Variants in NCOA1 observed in about 807,000 individuals in gnomAD.
The protein encoded by NCOA1 is Hin-2 protein.
NCOA1 carries 35 observed loss-of-function variants against 150.9 expected under a neutral mutation model. The observed-to-expected ratio is 0.23, with a 90% CI of 0.18 to 0.31. The LOEUF (loss-of-function observed/expected upper bound fraction) is 0.31. Ranked by LOEUF, NCOA1 falls within the 10% of genes least tolerant of loss-of-function variation. The pLI, the probability that NCOA1 is intolerant of heterozygous loss-of-function variation, is 1.00. For synonymous variants in NCOA1, 590 were observed against 630.0 expected (o/e 0.94, Z 0.95); for missense variants, 1,491 against 1,749.3 (o/e 0.85, Z 2.63).
At chr2:24,534,078 T>G (rs1226026448) in intron 1 of NCOA1, among the ~76,000 whole-genome samples, 3 of 123,582 alleles carry the variant, frequency 2.4e-5, no homozygotes, top group African/African-American at 7.8e-5. Context: ...GTCCTGGACT[T>G]TTTTTTGGTT....
chr2:24,599,496 A>G (rs1283295971), intron 3 of NCOA1, among the ~76,000 whole-genome samples: 3 of 152,312 alleles, frequency 2.0e-5, no homozygotes, highest in African/African-American at 4.8e-5. Flanking sequence ...AGGTATTTAC[A>G]TGTATTTTCT....
intron 14 of NCOA1, among the ~76,000 whole-genome samples, chr2:24,721,055 C>A (rs994443786): frequency 6.6e-6 from 1 of 152,164 alleles, no homozygotes; most frequent in Non-Finnish European, 1.5e-5. Context: ...TTATACTTTT[C>A]TTTTCCTTGC....
intron 14 of NCOA1, among the ~76,000 whole-genome samples, chr2:24,722,745 A>G (rs895220970): frequency 1.3e-5 from 2 of 151,950 alleles, no homozygotes; most frequent in Non-Finnish European, 2.9e-5. Flanking sequence ...AAAAATCACT[A>G]TTTTCGTATG....
chr2:24,615,736 C>CT (rs1285298596), intron 3 of NCOA1, among the ~76,000 whole-genome samples: 1 of 152,164 alleles, frequency 6.6e-6, no homozygotes, highest in Admixed American at 6.6e-5. Context: ...TACACAGTTA[C>CT]TTTTTTTGTT....
At chr2:24,568,948 G>A (rs942480552) in intron 2 of NCOA1, among the ~76,000 whole-genome samples, 3 of 152,164 alleles carry the variant, frequency 2.0e-5, no homozygotes, top group African/African-American at 7.2e-5. Context: ...TTATTGGTCT[G>A]TTGTTTTTTT....
intron 20 of NCOA1, 82 bp from the exon 21 acceptor site, chr2:24,757,891 T>C (rs1664577999): frequency 1.5e-5 from 20 of 1,359,916 alleles, no homozygotes; most frequent in Middle Eastern, 1.8e-4. Context: ...ATGTAACATA[T>C]TTTATTTGGA....
At chr2:24,591,476 C>G (rs1041975469) in intron 3 of NCOA1, among the ~76,000 whole-genome samples, 1 of 152,200 alleles carries the variant, frequency 6.6e-6, no homozygotes, top group African/African-American at 2.4e-5. Flanking sequence ...TCTTAGCACA[C>G]TGCCTGGCGT....
chr2:24,559,196 G>A (rs1666198891), intron 1 of NCOA1, among the ~76,000 whole-genome samples: 1 of 152,084 alleles, frequency 6.6e-6, no homozygotes, highest in South Asian at 2.1e-4. Context: ...CGAGACTAAG[G>A]TGATCCTCTT....
In NCOA1 at chr2:24,741,990, A is replaced by C. The variant is rs1663627130; in HGVS notation, c.3510A>C (p.Pro1170=). The stretch of plus-strand genomic sequence containing the variant: ...GTGCTCCACAGCAATTCCCCTATCC[A>C]CCAAACTATGGTACAAATCCAGGAA... The part of the protein sequence containing the change: ...PQGAPQQFPY[P]PNYGTNPGTP... Residue 1170 remains proline, a synonymous_variant, in exon 19 of 23, where the codon CCA becomes CCC. Coordinates refer to ENST00000348332, the MANE Select transcript of NCOA1 (RefSeq NM_003743.5). 6.2e-7 allele frequency: 1 copy of C among 1,614,138 alleles called. No homozygotes were observed. Among genetic ancestry groups the C allele is most frequent in the Middle Eastern group, 1.6e-4 (1 of 6,062 alleles).
Position 24,707,345 on chromosome 2 carries a change from A to G in NCOA1, c.1875A>G (p.Lys625=), listed in dbSNP as rs1303954510. Residue 625 remains lysine, a synonymous_variant, in exon 13 of 23, where the codon AAA becomes AAG. Coordinates refer to ENST00000348332, the MANE Select transcript of NCOA1 (RefSeq NM_003743.5). ...NNDRLSDGDS[K]YSQTSHKLVQ... The stretch of plus-strand genomic sequence containing the variant: ...ACAGACTTTCAGATGGAGACAGTAA[A>G]TACTCTCAAACCAGTCACAAACTAG... 1 of 1,614,112 alleles carries G rather than the reference A, an allele frequency of 6.2e-7. No individual in the cohort carries two copies. Among genetic ancestry groups the G allele is most frequent in the African/African-American group, 1.3e-5 (1 of 74,942 alleles).
At chr2:24,718,195 C>T (rs1011101971) in intron 14 of NCOA1, among the ~76,000 whole-genome samples, 5 of 152,084 alleles carry the variant, frequency 3.3e-5, no homozygotes, top group Admixed American at 1.3e-4. Context: ...CCACTGCTCC[C>T]GGCCAAGATA....
chr2:24,708,014 A>G (rs942445135), intron 13 of NCOA1, 126 bp downstream of exon 13: 37 of 1,224,276 alleles, frequency 3.0e-5, no homozygotes, highest in Middle Eastern at 4.8e-4. Flanking sequence ...GCATATATTA[A>G]GAGGTTAGTA....
chr2:24,582,900 A>G (rs1254168136), intron 2 of NCOA1, among the ~76,000 whole-genome samples: 1 of 152,238 alleles, frequency 6.6e-6, no homozygotes, highest in African/African-American at 2.4e-5. Flanking sequence ...CTGGATATGC[A>G]GAAGAATGAA....
intron 1 of NCOA1, among the ~76,000 whole-genome samples, chr2:24,523,991 T>C (rs979593835): frequency 1.4e-5 from 2 of 139,584 alleles, no homozygotes; most frequent in African/African-American, 5.3e-5. Context: ...GACCCAAAAT[T>C]AGAGGAAGGA....
chr2:24,554,303 TGTAA>T lies in NCOA1; in HGVS notation c.-395-9989_-395-9986del, dbSNP rs1328593766. On this transcript the variant is annotated intron_variant, in intron 1 of 22. Coordinates refer to ENST00000348332, the MANE Select transcript of NCOA1 (RefSeq NM_003743.5). ...GTTTTGTAATGTAAGCATTTCATGC[TGTAA>T]GTTTCTAAAAACTACTTTAGTAGTA... 3.9e-5 allele frequency: 6 copies of T among 152,360 alleles called. No individual in the cohort carries two copies. In the East Asian group the frequency reaches 7.7e-4, roughly 20 times the overall value. 9.4% of individuals were successfully genotyped at this position (152,360 alleles called of 1,614,324 possible).
intron 1 of NCOA1, among the ~76,000 whole-genome samples, chr2:24,547,759 T>C (rs1170607368): frequency 6.6e-6 from 1 of 150,812 alleles, no homozygotes; most frequent in Non-Finnish European, 1.5e-5. Flanking sequence ...GAGGCCGAGG[T>C]GGGCGGATCA....
chr2:24,756,058 AC>A, intron 20 of NCOA1, among the ~76,000 whole-genome samples: 1 of 135,448 alleles, frequency 7.4e-6, no homozygotes, highest in East Asian at 2.3e-4. Flanking sequence ...ACATGGCAAA[AC>A]CCCATCTCTA....
At chr2:24,665,105 A>AT (rs1671356429) in intron 5 of NCOA1, among the ~76,000 whole-genome samples, 1 of 152,040 alleles carries the variant, frequency 6.6e-6, no homozygotes, top group Non-Finnish European at 1.5e-5. Flanking sequence ...AAATTGTTTG[A>AT]TTTTGTTTAT....
intron 15 of NCOA1, 128 bp downstream of exon 15, chr2:24,726,834 T>TA (rs5829933): frequency 0.069 from 14,111 of 204,138 alleles, 33 homozygotes; most frequent in Middle Eastern, 0.11. Context: ...AAATACTTAC[T>TA]AAAAAAAAAA....
Sources: allele counts gnomAD v4.1 joint callset (sites outside exome capture counted in the v4.1 genomes callset), GRCh38; gene constraint gnomAD v4.1.1; transcripts MANE v1.5; gene names NCBI Gene and HGNC (gene_info 2026-07-23, HGNC 2026-07-21).